ACACB: variants seen among roughly 807,000 people sequenced by gnomAD.
The protein encoded by ACACB is acetyl-CoA carboxylase beta.
Under a neutral mutation model 278.8 loss-of-function variants are expected in ACACB, and 209 were observed. The observed-to-expected ratio is 0.75, with a 90% confidence interval of 0.67 to 0.84. The LOEUF (loss-of-function observed/expected upper bound fraction) is 0.84, where lower values mean the gene tolerates loss of function less well. ACACB is among the 40% of genes least tolerant of loss of function. ACACB has a pLI of 0.00. For missense variants in ACACB, 2,850 were observed against 3,269.0 expected (o/e 0.87, Z 3.13); for synonymous variants, 1,174 against 1,285.6 (o/e 0.91, Z 1.86).
chr12:109,158,867 C>T (rs928537302), intron 2 of ACACB, among the ~76,000 whole-genome samples: 16 of 152,072 alleles, frequency 1.1e-4, no homozygotes, highest in Non-Finnish European at 1.6e-4. Flanking sequence ...CCCAGCTACT[C>T]GGGAGGCTGA....
At chr12:109,141,468 TAGG>T (rs747549875) in intron 2 of ACACB, among the ~76,000 whole-genome samples, 5 of 152,144 alleles carry the variant, frequency 3.3e-5, no homozygotes, top group Non-Finnish European at 5.9e-5. Context: ...TTGGGAAATA[TAGG>T]AGAACAGAGA....
At chr12:109,181,908 G>A (rs1174623590) in intron 11 of ACACB, among the ~76,000 whole-genome samples, 3 of 127,162 alleles carry the variant, frequency 2.4e-5, no homozygotes, top group Non-Finnish European at 3.2e-5. Flanking sequence ...ACAGTGGTGC[G>A]ATCTTGGCTC....
intron 28 of ACACB, among the ~76,000 whole-genome samples, chr12:109,227,798 C>T (rs1022617409): frequency 2.0e-5 from 3 of 151,988 alleles, no homozygotes; most frequent in African/African-American, 4.8e-5. Flanking sequence ...TTTGGGGGGC[C>T]GAGGCGGGCA....
chr12:109,258,966 G>A lies in ACACB; in HGVS notation c.6361-7G>A. The A allele has an allele frequency of 5.6e-6, 9 of 1,614,050 alleles. No homozygotes were observed. Among genetic ancestry groups the A allele is most frequent in the Non-Finnish European group, 7.6e-6 (9 of 1,179,960 alleles). ...AGACATCTGATCCCCGCAGCTCTGT[G>A]TTCCAGATAATTCAGCAGGCAGGAC... On this transcript the variant is annotated splice_polypyrimidine_tract_variant and splice_region_variant and intron_variant, in intron 46 of 52. Transcript: ENST00000338432.
chr12:109,187,507 C>T (rs1049382208), intron 12 of ACACB, among the ~76,000 whole-genome samples: 31 of 151,642 alleles, frequency 2.0e-4, no homozygotes, highest in Non-Finnish European at 2.6e-4. Context: ...GTCACCCAGG[C>T]GGGAGTGCAG....
intron 2 of ACACB, 90 bp from the exon 3 acceptor site, chr12:109,166,771 C>A: frequency 6.6e-7 from 1 of 1,510,970 alleles, no homozygotes; most frequent in Non-Finnish European, 9.0e-7. Flanking sequence ...TGCAGTTTGG[C>A]TCCTCTGCTC....
In ACACB at chr12:109,179,069, G is replaced by A. The variant is rs1180697626; in HGVS notation, c.1438-19G>A. The A allele has an allele frequency of 3.1e-6, 5 of 1,607,352 alleles. No individual in the cohort carries two copies. Among genetic ancestry groups the A allele is most frequent in the Non-Finnish European group, 3.4e-6 (4 of 1,176,914 alleles). On this transcript the variant is annotated intron_variant, in intron 9 of 52. Transcript: ENST00000338432. Reference sequence around the variant, plus strand: ...CTGGTTTCCCCATGAAGATCAGGCTGCTCTGCTTCCCCCGACAGGTACAGA... The same window carrying A: ...CTGGTTTCCCCATGAAGATCAGGCTACTCTGCTTCCCCCGACAGGTACAGA...
rs754010885 is a variant in ACACB at position 109,264,243 on chromosome 12, C to T, written c.6799C>T (p.Leu2267Phe). The change falls in exon 50 of 53, where the codon CTC becomes TTC. Residue 2267 changes from leucine (L) to phenylalanine (F), a missense_variant. Leu to Phe is a conservative substitution (Grantham distance 22). Coordinates refer to ENST00000338432, the MANE Select transcript of ACACB (RefSeq NM_001093.4). ...CTGCTCACCTGCAGGGGAACCTGAT[C>T]TCTCCGACAAGGACCGAAAGGACCT... Reference protein sequence around the residue: ...KLMEQLGEPDLSDKDRKDLEG... With the variant: ...KLMEQLGEPDFSDKDRKDLEG... The T allele has an allele frequency of 1.9e-5, 30 of 1,613,988 alleles. No individual in the cohort carries two copies. In the Admixed American group the frequency reaches 4.3e-4, roughly 23 times the overall value.
chr12:109,257,488 A>G (rs1467940330), intron 45 of ACACB, among the ~76,000 whole-genome samples: 2 of 152,146 alleles, frequency 1.3e-5, no homozygotes, highest in African/African-American at 4.8e-5. Context: ...GTCCAGTTCA[A>G]TATCCCTCAG....
At chr12:109,252,926 C>T (rs1014132641) in intron 42 of ACACB, 89 bp from the exon 43 acceptor site, 17 of 1,304,896 alleles carry the variant, frequency 1.3e-5, no homozygotes, top group Non-Finnish European at 1.4e-5. Context: ...AATGTGTAGC[C>T]AGGATTGAGA....
rs1256775919 is a variant in ACACB at position 109,167,776 on chromosome 12, G to T, written c.787-120G>T. The T allele has an allele frequency of 3.4e-6, 5 of 1,451,582 alleles. No individual in the cohort carries two copies. In the African/African-American group the frequency reaches 4.2e-5, roughly 12 times the overall value. The allele number at this position is 1,451,582 out of a possible 1,614,324, so 89.9% of individuals were successfully genotyped here. On this transcript the variant is annotated intron_variant, in intron 3 of 52. Transcript: ENST00000338432. ...TGGAAATACATAGAAATACCAAGAG[G>T]AATGATGTGCTGCGGGGGCTGCAGG...
chr12:109,241,038 G>GTC (rs775158240), intron 35 of ACACB, 40 bp from the exon 36 acceptor site: 1 of 1,601,010 alleles, frequency 6.2e-7, no homozygotes, highest in South Asian at 1.1e-5. Flanking sequence ...TCCTTGGGAT[G>GTC]TCTTGGCCCT....
Position 109,185,711 on chromosome 12 carries a change from G to T in ACACB, c.1951G>T (p.Ala651Ser), listed in dbSNP as rs2300455. 7.5e-6 allele frequency: 12 copies of T among 1,610,608 alleles called. No homozygotes were observed. Among genetic ancestry groups the T allele is most frequent in the Non-Finnish European group, 1.0e-5 (12 of 1,178,000 alleles). ...CCTCGCCCGAGGCCACGTCATTGCC[G>T]CCAGAATCACCAGCGAAAACCCAGA... ...PPLARGHVIA[A>S]RITSENPDEG... The change falls in exon 12 of 53, where the codon GCC (alanine) becomes TCC (serine). Residue 651 changes from alanine (A) to serine (S), a missense_variant. Transcript: ENST00000338432.
chr12:109,243,763 A>G (rs2136688531), intron 37 of ACACB, among the ~76,000 whole-genome samples: 1 of 152,170 alleles, frequency 6.6e-6, no homozygotes, highest in South Asian at 2.1e-4. Context: ...CATTTTCTTC[A>G]AGTATTTTTT....
At chr12:109,224,590 G>C (rs1347778862) in intron 27 of ACACB, among the ~76,000 whole-genome samples, 2 of 151,792 alleles carry the variant, frequency 1.3e-5, no homozygotes, top group Non-Finnish European at 2.9e-5. Context: ...GGAGTGCAGT[G>C]GCACTATCTC....
intron 2 of ACACB, among the ~76,000 whole-genome samples, chr12:109,152,751 C>T (rs2043413438): frequency 7.2e-6 from 1 of 138,142 alleles, no homozygotes; most frequent in Admixed American, 8.0e-5. Flanking sequence ...CTCAGGTAAT[C>T]TTCCCGCCTC....
intron 17 of ACACB, 100 bp from the exon 18 acceptor site, chr12:109,199,302 T>A: frequency 5.6e-6 from 6 of 1,076,016 alleles, no homozygotes; most frequent in Non-Finnish European, 7.5e-6. Flanking sequence ...GAGGGTACAC[T>A]CCCCCTTTAG....
chr12:109,197,475 C>T (rs2045178469), intron 17 of ACACB, among the ~76,000 whole-genome samples: 1 of 152,114 alleles, frequency 6.6e-6, no homozygotes, highest in Non-Finnish European at 1.5e-5. Context: ...TGGGCTCTGG[C>T]ATCCACCCAG....
chr12:109,232,933 T>C, intron 29 of ACACB, 127 bp downstream of exon 29: 1 of 1,139,700 alleles, frequency 8.8e-7, no homozygotes, highest in Middle Eastern at 2.8e-4. Flanking sequence ...AGCATGTCAA[T>C]AACAACAGAA....
Sources: allele counts gnomAD v4.1 joint callset (sites outside exome capture counted in the v4.1 genomes callset), GRCh38; gene constraint gnomAD v4.1.1; transcripts MANE v1.5; gene names NCBI Gene and HGNC (gene_info 2026-07-23, HGNC 2026-07-21).